SLC9A9: variants seen among roughly 807,000 people sequenced by gnomAD.
SLC9A9 encodes sodium/hydrogen exchanger 9.
SLC9A9 carries 62 observed loss-of-function variants against 77.8 expected under a neutral mutation model. That is an observed-to-expected ratio of 0.80 (90% CI 0.65 to 0.98). The LOEUF is 0.98. SLC9A9 is among the 50% of genes least tolerant of loss of function. SLC9A9 has a pLI of 0.00. For missense variants in SLC9A9, 775 were observed against 774.9 expected, an observed-to-expected ratio of 1.00 and a Z score of 0.00; for synonymous variants, 320 against 283.5, an observed-to-expected ratio of 1.13 and a Z score of -1.29.
At chr3:143,307,300 C>T (rs769513613) in intron 14 of SLC9A9, among the ~76,000 whole-genome samples, 3 of 152,248 alleles carry the variant, frequency 2.0e-5, no homozygotes, top group Admixed American at 6.5e-5. Context: ...CAGCACACCA[C>T]TGGTTAATCC....
intron 6 of SLC9A9, among the ~76,000 whole-genome samples, chr3:143,633,605 G>A (rs1457960280): frequency 6.6e-6 from 1 of 152,036 alleles, no homozygotes; most frequent in African/African-American, 2.4e-5. Context: ...CTTTGTTGAT[G>A]TAAGCAAATA....
chr3:143,410,315 G>T (rs1447716922), intron 12 of SLC9A9, among the ~76,000 whole-genome samples: 1 of 152,194 alleles, frequency 6.6e-6, no homozygotes, highest in African/African-American at 2.4e-5. Flanking sequence ...GATTTATAGT[G>T]AGTATGGCAC....
At chr3:143,380,410 T>C (rs1281637808) in intron 13 of SLC9A9, among the ~76,000 whole-genome samples, 2 of 151,872 alleles carry the variant, frequency 1.3e-5, no homozygotes, top group South Asian at 2.1e-4. Context: ...TATAATTGTG[T>C]CTTTTCTTCT....
intron 5 of SLC9A9, among the ~76,000 whole-genome samples, chr3:143,671,554 CA>C (rs2039153876): frequency 1.3e-5 from 2 of 152,106 alleles, no homozygotes; most frequent in Admixed American, 1.3e-4. Flanking sequence ...TTGAAAGAGT[CA>C]AACAATATAA....
At chr3:143,836,299 C>T (rs758742825) in intron 1 of SLC9A9, among the ~76,000 whole-genome samples, 7 of 152,178 alleles carry the variant, frequency 4.6e-5, no homozygotes, top group Non-Finnish European at 8.8e-5. Context: ...TTCTCCTCAA[C>T]CAGACAATGA....
At chr3:143,588,464 C>G (rs1469160285) in intron 6 of SLC9A9, among the ~76,000 whole-genome samples, 1 of 152,130 alleles carries the variant, frequency 6.6e-6, no homozygotes, top group Admixed American at 6.5e-5. Context: ...CAGAAGAAAG[C>G]CTTTGACAGA....
intron 11 of SLC9A9, 40 bp from the exon 12 acceptor site, chr3:143,467,230 G>C (rs767253058): frequency 1.2e-6 from 2 of 1,613,256 alleles, no homozygotes; most frequent in Non-Finnish European, 1.7e-6. Context: ...ATGCCTTGCA[G>C]GTGTCTTTTT....
At chr3:143,612,983 T>C (rs1020323504) in intron 6 of SLC9A9, among the ~76,000 whole-genome samples, 4 of 152,220 alleles carry the variant, frequency 2.6e-5, no homozygotes, top group African/African-American at 9.6e-5. Flanking sequence ...GGCTGAAATA[T>C]GTGACAAACA....
intron 11 of SLC9A9, among the ~76,000 whole-genome samples, chr3:143,482,978 A>T (rs2035597069): frequency 6.6e-6 from 1 of 152,226 alleles, no homozygotes; most frequent in Admixed American, 6.5e-5. Flanking sequence ...TGAGTGTCAC[A>T]CGATATAGCA....
At chr3:143,365,847 G>T (rs574479172) in intron 13 of SLC9A9, among the ~76,000 whole-genome samples, 4 of 152,118 alleles carry the variant, frequency 2.6e-5, no homozygotes, top group South Asian at 2.1e-4. Flanking sequence ...AGCATATTGG[G>T]GTTCATCTGG....
intron 5 of SLC9A9, among the ~76,000 whole-genome samples, chr3:143,658,252 A>C (rs181361869): frequency 7.5e-4 from 114 of 152,322 alleles, no homozygotes; most frequent in African/African-American, 2.4e-3. Flanking sequence ...TTGATACCAA[A>C]AATCTTGAGA....
At chr3:143,835,174 C>G (rs754010734) in intron 1 of SLC9A9, among the ~76,000 whole-genome samples, 26 of 152,216 alleles carry the variant, frequency 1.7e-4, no homozygotes, top group Non-Finnish European at 1.5e-5. Flanking sequence ...TGACAGCTGT[C>G]CTGGCATCCT....
intron 2 of SLC9A9, among the ~76,000 whole-genome samples, chr3:143,824,671 A>G (rs546119637): frequency 7.2e-5 from 11 of 152,346 alleles, no homozygotes; most frequent in African/African-American, 2.4e-4. Flanking sequence ...AATGCCTGGC[A>G]AGTGGCAAGT....
intron 9 of SLC9A9, among the ~76,000 whole-genome samples, chr3:143,528,070 T>C (rs2036434785): frequency 6.6e-6 from 1 of 152,210 alleles, no homozygotes; most frequent in African/African-American, 2.4e-5. Flanking sequence ...TTCCATGTCT[T>C]TTCCTCCAGG....
chr3:143,530,679 A>C (rs865916836), intron 9 of SLC9A9, among the ~76,000 whole-genome samples: 11 of 151,822 alleles, frequency 7.2e-5, no homozygotes, highest in African/African-American at 2.2e-4. Context: ...ACAAACAAAA[A>C]CCAAAAACAC....
At chr3:143,458,727 C>T (rs1206634320) in intron 12 of SLC9A9, among the ~76,000 whole-genome samples, 1 of 152,048 alleles carries the variant, frequency 6.6e-6, no homozygotes, top group Non-Finnish European at 1.5e-5. Context: ...TACTCACTTT[C>T]CTTTTTGAGA....
At chr3:143,302,970 C>T (rs1295783745) in intron 14 of SLC9A9, among the ~76,000 whole-genome samples, 3 of 152,220 alleles carry the variant, frequency 2.0e-5, no homozygotes, top group East Asian at 1.9e-4. Context: ...TCTAACACCA[C>T]GGAGGGCTTC....
intron 14 of SLC9A9, among the ~76,000 whole-genome samples, chr3:143,284,205 T>C (rs1938311650): frequency 6.6e-6 from 1 of 152,124 alleles, no homozygotes; most frequent in South Asian, 2.1e-4. Context: ...TTATTTACCA[T>C]TGCTTTGTAA....
At chr3:143,750,107 A>G (rs1255603220) in intron 4 of SLC9A9, among the ~76,000 whole-genome samples, 1 of 152,236 alleles carries the variant, frequency 6.6e-6, no homozygotes, top group African/African-American at 2.4e-5. Context: ...CTCTAAAGTC[A>G]GCTTCCTGGT....
Sources: gnomAD v4.1 joint callset for allele counts (sites outside exome capture counted in the v4.1 genomes callset) on GRCh38, gnomAD v4.1.1 for gene constraint, MANE v1.5 for transcripts, NCBI Gene and HGNC (gene_info 2026-07-23, HGNC 2026-07-21) for gene names.